SLC4A4: variants seen among roughly 807,000 people sequenced by gnomAD.
SLC4A4 encodes electrogenic sodium bicarbonate cotransporter 1.
Under a neutral mutation model 111.5 loss-of-function variants are expected in SLC4A4, and 27 were observed. The ratio of observed to expected loss-of-function variants is 0.24; its 90% CI spans 0.18 to 0.33. The LOEUF (loss-of-function observed/expected upper bound fraction) is 0.33. SLC4A4 is among the 10% of genes least tolerant of loss of function. The probability of loss-of-function intolerance (pLI) is 1.00; values close to 1 mark genes in which losing one functional copy is unlikely to be tolerated. For missense variants in SLC4A4, 909 were observed against 1,315.5 expected, an observed-to-expected ratio of 0.69 and a Z score of 4.78; for synonymous variants, 443 against 463.4, an observed-to-expected ratio of 0.96 and a Z score of 0.57.
chr4:71,402,660 T>G (rs566475352), intron 7 of SLC4A4, among the ~76,000 whole-genome samples: 1 of 152,342 alleles, frequency 6.6e-6, no homozygotes, highest in Non-Finnish European at 1.5e-5. Flanking sequence ...AAAGGCATGT[T>G]GTGAGAAGGT....
At chr4:71,539,416 A>C (rs1268828992) in intron 18 of SLC4A4, among the ~76,000 whole-genome samples, 1 of 152,118 alleles carries the variant, frequency 6.6e-6, no homozygotes, top group Non-Finnish European at 1.5e-5. Flanking sequence ...TTGCCAGAGT[A>C]CCACGACCTA....
intron 16 of SLC4A4, among the ~76,000 whole-genome samples, chr4:71,505,983 C>T (rs1578066659): frequency 6.6e-6 from 1 of 151,952 alleles, no homozygotes; most frequent in South Asian, 2.1e-4. Flanking sequence ...TCAGGTTTGT[C>T]GAAGATCAGA....
chr4:71,355,497 C>T (rs1730201418), intron 5 of SLC4A4, among the ~76,000 whole-genome samples: 1 of 152,198 alleles, frequency 6.6e-6, no homozygotes, highest in South Asian at 2.1e-4. Flanking sequence ...CTAAAAACCA[C>T]TCTAAACCAA....
intron 2 of SLC4A4, among the ~76,000 whole-genome samples, chr4:71,148,208 T>C (rs538418213): frequency 6.6e-6 from 1 of 152,272 alleles, no homozygotes; most frequent in South Asian, 2.1e-4. Flanking sequence ...GCACATCTGA[T>C]ATTTATAATT....
chr4:71,468,461 TCC>T (rs1727577032), intron 13 of SLC4A4, among the ~76,000 whole-genome samples: 1 of 152,034 alleles, frequency 6.6e-6, no homozygotes, highest in Non-Finnish European at 1.5e-5. Flanking sequence ...TTTCTCGTTC[TCC>T]CTTTTTTTTC....
intron 14 of SLC4A4, among the ~76,000 whole-genome samples, chr4:71,485,156 C>T (rs1271856420): frequency 6.6e-6 from 1 of 151,746 alleles, no homozygotes; most frequent in East Asian, 1.9e-4. Flanking sequence ...ATTGCCCTGG[C>T]CATTACTTCC....
At chr4:71,158,343 T>C (rs531445030) in intron 2 of SLC4A4, among the ~76,000 whole-genome samples, 114 of 152,220 alleles carry the variant, frequency 7.5e-4, no homozygotes, top group Non-Finnish European at 1.3e-3. Context: ...GGAAACCAAC[T>C]ACTGTGCCTA....
At chr4:71,132,611 A>G (rs1460548406) in intron 2 of SLC4A4, among the ~76,000 whole-genome samples, 3 of 152,228 alleles carry the variant, frequency 2.0e-5, no homozygotes, top group Non-Finnish European at 4.4e-5. Flanking sequence ...GATTTCCTCC[A>G]AAGCCTTGCA....
intron 1 of SLC4A4, among the ~76,000 whole-genome samples, chr4:71,088,226 A>G (rs1261195984): frequency 1.4e-5 from 2 of 146,846 alleles, no homozygotes; most frequent in Middle Eastern, 3.6e-3. Context: ...TCGGATTGCA[A>G]TACCTGCCTT....
At chr4:71,320,610 G>A (rs973834953) in intron 3 of SLC4A4, among the ~76,000 whole-genome samples, 9 of 151,986 alleles carry the variant, frequency 5.9e-5, no homozygotes, top group South Asian at 2.1e-4. Flanking sequence ...TTGCTAAAGC[G>A]TTTTACCAGT....
At position 71,531,946 on chromosome 4, in the gene SLC4A4, G is replaced by C. The variant is rs552162764; in HGVS notation, c.2167-116G>C. ...ACTCTGATACCTCCTTCAATTTGTTGATGAAGCTGTTGCTATAAACTATTA... is the reference window on the plus strand; with the variant it reads ...ACTCTGATACCTCCTTCAATTTGTTCATGAAGCTGTTGCTATAAACTATTA... On this transcript the variant is annotated intron_variant, in intron 16 of 25. Coordinates refer to ENST00000264485, the MANE Select transcript of SLC4A4 (RefSeq NM_001098484.3). The C allele has an allele frequency of 9.7e-4, 684 of 705,678 alleles. 5 individuals carry two copies. The highest frequency in any genetic ancestry group is 5.4e-3 in the Middle Eastern group (20 of 3,672). 43.7% of individuals were successfully genotyped at this position (705,678 alleles called of 1,614,324 possible).
intron 4 of SLC4A4, among the ~76,000 whole-genome samples, chr4:71,343,875 T>G (rs1427483803): frequency 1.3e-5 from 2 of 152,178 alleles, no homozygotes; most frequent in African/African-American, 4.8e-5. Context: ...GTCAGGAACT[T>G]TGGACTTGTT....
chr4:71,379,778 T>C (rs2148948373), intron 6 of SLC4A4, among the ~76,000 whole-genome samples: 1 of 152,270 alleles, frequency 6.6e-6, no homozygotes. Flanking sequence ...GAGGGAACGA[T>C]GACGAATTTC....
At chr4:71,150,887 A>G (rs1033663373) in intron 2 of SLC4A4, among the ~76,000 whole-genome samples, 3 of 152,140 alleles carry the variant, frequency 2.0e-5, no homozygotes, top group African/African-American at 7.2e-5. Context: ...GGATGTTTGT[A>G]GAAGAGTTAT....
upstream of SLC4A4, among the ~76,000 whole-genome samples, chr4:71,185,215 G>A (rs1015503416): frequency 4.6e-5 from 7 of 152,138 alleles, no homozygotes; most frequent in Non-Finnish European, 1.0e-4. Context: ...GCTGCTTCAC[G>A]ATTATAATGA....
At position 71,450,259 on chromosome 4, in the gene SLC4A4, G is replaced by A; in HGVS notation, c.1054-130G>A. 4 of 731,022 alleles carry A rather than the reference G, an allele frequency of 5.5e-6. No homozygotes were observed. The East Asian group carries it at 1.1e-4, about 19-fold the overall frequency. 45.3% of individuals were successfully genotyped at this position (731,022 alleles called of 1,614,324 possible). On this transcript the variant is annotated intron_variant, in intron 9 of 25. Transcript: ENST00000264485. Reference sequence around the variant, plus strand: ...TTCGGGGGGCAGGCTGAATAATAGGGACTATCAGAGCATGGCTGGATTAAT... The same window carrying A: ...TTCGGGGGGCAGGCTGAATAATAGGAACTATCAGAGCATGGCTGGATTAAT...
chr4:71,337,905 C>G (rs943455413), intron 3 of SLC4A4, among the ~76,000 whole-genome samples: 1 of 152,022 alleles, frequency 6.6e-6, no homozygotes, highest in African/African-American at 2.4e-5. Flanking sequence ...TCTCGGCTCA[C>G]TGCAACCTCT....
chr4:71,154,529 T>A (rs901667572), intron 2 of SLC4A4, among the ~76,000 whole-genome samples: 6 of 151,450 alleles, frequency 4.0e-5, no homozygotes, highest in African/African-American at 1.5e-4. Flanking sequence ...TTACCTGCCC[T>A]TCCAGTGTAC....
rs142267411 is a variant in SLC4A4, at chr4:71,503,364, T to G, written c.2166+5672T>G. On this transcript the variant is annotated intron_variant, in intron 16 of 25. Transcript: ENST00000264485. ...TCCTATCATTTTGTTAATTGTACTT[T>G]AATTATTTTAATATCCTTCATTCTT... Among the ~76,000 whole-genome samples, 46 of 152,138 alleles carry G rather than the reference T, an allele frequency of 3.0e-4. No homozygotes were observed. The East Asian group carries it at 8.5e-3, about 28-fold the overall frequency.
Sources: gnomAD v4.1 joint callset for allele counts (sites outside exome capture counted in the v4.1 genomes callset) on GRCh38, gnomAD v4.1.1 for gene constraint, MANE v1.5 for transcripts, NCBI Gene and HGNC (gene_info 2026-07-23, HGNC 2026-07-21) for gene names.